CNTNAP4: variants seen among roughly 807,000 people sequenced by gnomAD.
CNTNAP4 encodes contactin-associated protein-like 4.
Under a neutral mutation model 148.4 loss-of-function variants are expected in CNTNAP4, and 98 were observed. That is an observed-to-expected ratio of 0.66 (90% CI 0.56 to 0.78). CNTNAP4 has a LOEUF of 0.78. Among genes scored for constraint, CNTNAP4 ranks in the 30% least tolerant of loss-of-function variants. The pLI, the probability that CNTNAP4 is intolerant of heterozygous loss-of-function variation, is 0.00. For synonymous variants in CNTNAP4, 730 were observed against 565.1 expected (o/e 1.29, Z -4.14); for missense variants, 1,935 against 1,565.6 (o/e 1.24, Z -3.98).
At chr16:76,431,219 C>T (rs569527503) in intron 4 of CNTNAP4, among the ~76,000 whole-genome samples, 134 of 152,210 alleles carry the variant, frequency 8.8e-4, no homozygotes, top group African/African-American at 3.2e-3. Flanking sequence ...CAGTCAAGCA[C>T]AGGAAAGAGG....
intron 3 of CNTNAP4, among the ~76,000 whole-genome samples, chr16:76,397,994 A>ATATG (rs2144815351): frequency 1.1e-5 from 1 of 90,114 alleles, no homozygotes; most frequent in African/African-American, 4.3e-5. Context: ...ATATATATAT[A>ATATG]TATATATGGA....
chr16:76,395,520 T>C (rs949642175), intron 3 of CNTNAP4, among the ~76,000 whole-genome samples: 1 of 151,904 alleles, frequency 6.6e-6, no homozygotes, highest in African/African-American at 2.4e-5. Flanking sequence ...TGCCTCAGCC[T>C]CCCAAAGTGC....
At chr16:76,432,823 C>G (rs2079656665) in intron 4 of CNTNAP4, among the ~76,000 whole-genome samples, 1 of 152,118 alleles carries the variant, frequency 6.6e-6, no homozygotes, top group Non-Finnish European at 1.5e-5. Flanking sequence ...TTCCTCATCC[C>G]CAACAGAATA....
intron 8 of CNTNAP4, among the ~76,000 whole-genome samples, chr16:76,457,924 G>A (rs549206161): frequency 6.6e-6 from 1 of 152,084 alleles, no homozygotes; most frequent in South Asian, 2.1e-4. Flanking sequence ...TACCTGATAG[G>A]TAGTTTTTAA....
At chr16:76,310,847 A>G (rs1297823535) in intron 1 of CNTNAP4, among the ~76,000 whole-genome samples, 1 of 152,120 alleles carries the variant, frequency 6.6e-6, no homozygotes, top group East Asian at 1.9e-4. Flanking sequence ...TGTTTCAACA[A>G]AGTACTGGTT....
chr16:76,510,441 A>T (rs149215489), intron 15 of CNTNAP4, among the ~76,000 whole-genome samples: 126 of 151,256 alleles, frequency 8.3e-4, no homozygotes, highest in African/African-American at 2.9e-3. Context: ...GGATATTATG[A>T]TAAGGCTTCT....
chr16:76,348,242 G>T (rs1597275074), intron 2 of CNTNAP4, among the ~76,000 whole-genome samples: 1 of 151,684 alleles, frequency 6.6e-6, no homozygotes, highest in East Asian at 1.9e-4. Context: ...CATTATATGG[G>T]GCTGGGAAAG....
chr16:76,534,810 TA>T (rs979902599), intron 17 of CNTNAP4, among the ~76,000 whole-genome samples: 1 of 152,222 alleles, frequency 6.6e-6, no homozygotes, highest in African/African-American at 2.4e-5. Context: ...TACCTTAGAA[TA>T]ATAGGGTCTG....
chr16:76,355,929 C>T (rs1207956302), intron 3 of CNTNAP4, among the ~76,000 whole-genome samples: 2 of 151,570 alleles, frequency 1.3e-5, no homozygotes, highest in Admixed American at 6.6e-5. Context: ...AGGCTGGTTG[C>T]AGTGGCGCGA....
chr16:76,558,110 G>A (rs1189238370), intron 23 of CNTNAP4: 1 of 158,732 alleles, frequency 6.3e-6, no homozygotes, highest in Non-Finnish European at 1.4e-5. Flanking sequence ...TCACAAAACA[G>A]TTTAATCATT....
chr16:76,511,486 G>C (rs1316979484), intron 15 of CNTNAP4, among the ~76,000 whole-genome samples: 1 of 152,062 alleles, frequency 6.6e-6, no homozygotes, highest in Non-Finnish European at 1.5e-5. Flanking sequence ...TCTTTCATTT[G>C]ACAGAGTTCT....
intron 3 of CNTNAP4, among the ~76,000 whole-genome samples, chr16:76,400,144 T>C (rs1340574766): frequency 6.6e-6 from 1 of 152,198 alleles, no homozygotes; most frequent in Non-Finnish European, 1.5e-5. Context: ...TGGGTATTAC[T>C]GTTATGTTAT....
chr16:76,381,540 G>A (rs974294259), intron 3 of CNTNAP4, among the ~76,000 whole-genome samples: 1 of 152,130 alleles, frequency 6.6e-6, no homozygotes, highest in Admixed American at 6.5e-5. Context: ...TCCTTCAGGT[G>A]ATCGTCAATT....
intron 1 of CNTNAP4, among the ~76,000 whole-genome samples, chr16:76,285,798 A>G (rs1958856994): frequency 1.3e-5 from 2 of 151,980 alleles, no homozygotes; most frequent in African/African-American, 4.8e-5. Flanking sequence ...AAGGACACGG[A>G]TAAACTCTCC....
chr16:76,293,741 A>G (rs1959177106), intron 1 of CNTNAP4, among the ~76,000 whole-genome samples: 1 of 152,048 alleles, frequency 6.6e-6, no homozygotes. Flanking sequence ...TTCATATGCT[A>G]GGCAAAATAT....
intron 14 of CNTNAP4, among the ~76,000 whole-genome samples, chr16:76,496,107 G>GTGTGTGTGTGTGTGTGTGTGTGTGTA (rs1555576715): frequency 2.0e-5 from 3 of 151,200 alleles, no homozygotes; most frequent in Non-Finnish European, 4.4e-5. Context: ...GTGTGTGTGT[G>GTGTGTGTGTGTGTGTGTGTGTGTGTA]CGTGTATTTC....
At chr16:76,442,101 C>T (rs1293534994) in intron 4 of CNTNAP4, among the ~76,000 whole-genome samples, 1 of 151,912 alleles carries the variant, frequency 6.6e-6, no homozygotes, top group African/African-American at 2.4e-5. Context: ...TTGGTTTATC[C>T]AGGCGGACCT....
At chr16:76,464,575 A>T (rs1221729688) in intron 9 of CNTNAP4, among the ~76,000 whole-genome samples, 10 of 152,194 alleles carry the variant, frequency 6.6e-5, no homozygotes, top group Admixed American at 4.6e-4. Context: ...TCAAGTAAAA[A>T]GTTACTCCGT....
At position 76,513,008 on chromosome 16, in the gene CNTNAP4, T is replaced by C. The variant is rs1280854488; in HGVS notation, c.2366-8132T>C. Among the ~76,000 whole-genome samples, 12 of 152,202 alleles carry C rather than the reference T, an allele frequency of 7.9e-5. No individual in the cohort carries two copies. The East Asian group carries it at 1.9e-3, about 25-fold the overall frequency. On this transcript the variant is annotated intron_variant, in intron 15 of 23. Transcript: ENST00000611870. ...AAAAGCCTCAGATAGATTCAAGGAA[T>C]AGTGGGAGGAAAAAATGTGGGAAAA...
Sources: gnomAD v4.1 joint callset for allele counts (sites outside exome capture counted in the v4.1 genomes callset) on GRCh38, gnomAD v4.1.1 for gene constraint, MANE v1.5 for transcripts, NCBI Gene and HGNC (gene_info 2026-07-23, HGNC 2026-07-21) for gene names.